The following DISC1 variants were observed in gnomAD, a reference collection of about 807,000 sequenced individuals.
The protein encoded by DISC1 is DISC1 scaffold protein.
DISC1 carries 57 observed loss-of-function variants against 84.5 expected under a neutral mutation model. That is an observed-to-expected ratio of 0.67 (90% CI 0.55 to 0.84). DISC1 has a LOEUF of 0.84. DISC1 is among the 40% of genes least tolerant of loss of function. The pLI is 0.00. For missense variants in DISC1, 1,000 were observed against 1,057.8 expected (o/e 0.95, Z 0.76); for synonymous variants, 411 against 415.2 (o/e 0.99, Z 0.12).
At chr1:231,724,597 T>C (rs2070358300) in intron 3 of DISC1, among the ~76,000 whole-genome samples, 1 of 152,206 alleles carries the variant, frequency 6.6e-6, no homozygotes, top group African/African-American at 2.4e-5. Context: ...TCTCTTTTCT[T>C]CTTCCTTCCT....
chr1:231,945,480 T>C (rs1656987105), intron 9 of DISC1, among the ~76,000 whole-genome samples: 1 of 152,190 alleles, frequency 6.6e-6, no homozygotes. Context: ...GAGGGAAATT[T>C]ATAGCACTAA....
At chr1:231,696,011 A>T (rs1388322707) in intron 2 of DISC1, among the ~76,000 whole-genome samples, 1 of 152,128 alleles carries the variant, frequency 6.6e-6, no homozygotes, top group Non-Finnish European at 1.5e-5. Context: ...TCATTGCCTA[A>T]ACCAGTGCCC....
At chr1:231,878,466 G>A (rs2086050857) in intron 9 of DISC1, among the ~76,000 whole-genome samples, 1 of 152,168 alleles carries the variant, frequency 6.6e-6, no homozygotes, top group African/African-American at 2.4e-5. Flanking sequence ...TTCAAGGGAT[G>A]GAGAAAAGAC....
intron 9 of DISC1, among the ~76,000 whole-genome samples, chr1:231,924,955 CTTT>C (rs370177238): frequency 2.2e-5 from 3 of 139,300 alleles, no homozygotes; most frequent in Non-Finnish European, 1.5e-5. Context: ...TGCGCCCGGC[CTTT>C]TTTTTTTTTT....
chr1:231,706,060 A>G (rs2067054666), intron 3 of DISC1, among the ~76,000 whole-genome samples: 1 of 152,218 alleles, frequency 6.6e-6, no homozygotes, highest in Admixed American at 6.5e-5. Context: ...AAATTTCCCC[A>G]CTAATGCCTT....
intron 4 of DISC1, among the ~76,000 whole-genome samples, chr1:231,754,856 T>G (rs1244307927): frequency 1.3e-5 from 2 of 152,182 alleles, no homozygotes; most frequent in Non-Finnish European, 2.9e-5. Context: ...CAATATTAAC[T>G]GTTGGCTTAC....
At chr1:231,671,128 TACCA>T (rs2062579899) in intron 1 of DISC1, among the ~76,000 whole-genome samples, 2 of 152,310 alleles carry the variant, frequency 1.3e-5, no homozygotes, top group Middle Eastern at 3.4e-3. Flanking sequence ...TCAGTGATTT[TACCA>T]GGACATCTTG....
intron 3 of DISC1, among the ~76,000 whole-genome samples, chr1:231,741,663 C>A (rs952212840): frequency 6.6e-6 from 1 of 152,082 alleles, no homozygotes; most frequent in Non-Finnish European, 1.5e-5. Context: ...GCAGGGTTGG[C>A]AGGACCGGAG....
At chr1:231,691,530 C>T (rs1024026875) in intron 1 of DISC1, among the ~76,000 whole-genome samples, 4 of 152,180 alleles carry the variant, frequency 2.6e-5, no homozygotes, top group Non-Finnish European at 5.9e-5. Flanking sequence ...AAATTATTTT[C>T]TACCTAGCCT....
intron 10 of DISC1, among the ~76,000 whole-genome samples, chr1:231,990,335 C>G (rs1665036253): frequency 6.6e-6 from 1 of 151,902 alleles, no homozygotes; most frequent in Non-Finnish European, 1.5e-5. Context: ...AGCAGAAGCA[C>G]AGGTGGCCTG....
rs571123530 is a variant in DISC1 at position 231,661,816 on chromosome 1, G to A, written c.68-32010G>A. On this transcript the variant is annotated intron_variant, in intron 1 of 12. Transcript: ENST00000439617. ...AGAGGTGTTACTGTCATTTGGAGGA[G>A]AAGAGCCACTCTGGCTTTTTGAGTT... 2.0e-5 allele frequency among the ~76,000 whole-genome samples: 3 copies of A among 152,320 alleles called. No individual in the cohort carries two copies. The South Asian group carries it at 6.2e-4, about 32-fold the overall frequency.
rs1399575503 is a variant in DISC1 at position 232,031,636 on chromosome 1, C to A, written c.2426-5056C>A. 6.6e-6 allele frequency among the ~76,000 whole-genome samples: 1 copy of A among 152,134 alleles called. No homozygotes were observed. Among genetic ancestry groups the A allele is most frequent in the African/African-American group, 2.4e-5 (1 of 41,440 alleles). On this transcript the variant is annotated intron_variant, in intron 12 of 12. Coordinates refer to ENST00000439617, the MANE Select transcript of DISC1 (RefSeq NM_018662.3). This position sits in a 1 kb window ranked among gnomAD's most constrained non-coding sequence, Gnocchi z 4.6. Reference sequence around the variant, plus strand: ...GTTCTTTCCTTAGGCTCTCACTTGGCTTTGGAGTGGGACGGGGAAGAGTTG... The same window carrying A: ...GTTCTTTCCTTAGGCTCTCACTTGGATTTGGAGTGGGACGGGGAAGAGTTG...
chr1:231,955,498 T>G (rs1342992493), intron 9 of DISC1, among the ~76,000 whole-genome samples: 3 of 151,922 alleles, frequency 2.0e-5, no homozygotes, highest in Non-Finnish European at 4.4e-5. Flanking sequence ...TTTTTTTTTT[T>G]TTTTTTGGAA....
intron 9 of DISC1, among the ~76,000 whole-genome samples, chr1:231,898,076 T>TACA: frequency 6.6e-6 from 1 of 152,164 alleles, no homozygotes; most frequent in South Asian, 2.1e-4. Context: ...AACAGCAAGA[T>TACA]GTAATCAAGT....
At chr1:231,853,731 C>T (rs1034036898) in intron 9 of DISC1, among the ~76,000 whole-genome samples, 5 of 152,182 alleles carry the variant, frequency 3.3e-5, no homozygotes, top group Non-Finnish European at 7.3e-5. Context: ...CCACACAGAG[C>T]AGTAGGCTCA....
At chr1:231,722,511 T>C (rs760453647) in intron 3 of DISC1, 6 of 1,614,042 alleles carry the variant, frequency 3.7e-6, no homozygotes, top group East Asian at 4.5e-5. Flanking sequence ...TCCATTCCAC[T>C]CAGAGGTATT....
At chr1:231,833,956 A>G (rs1322757049) in intron 9 of DISC1, among the ~76,000 whole-genome samples, 1 of 152,184 alleles carries the variant, frequency 6.6e-6, no homozygotes, top group Non-Finnish European at 1.5e-5. Context: ...TTTTGAGAAT[A>G]AGACGGCCTT....
At chr1:231,687,437 A>C (rs187634414) in intron 1 of DISC1, among the ~76,000 whole-genome samples, 5 of 152,094 alleles carry the variant, frequency 3.3e-5, no homozygotes, top group African/African-American at 4.8e-5. Context: ...ATCAGATCTC[A>C]TGAGACTTAC....
chr1:231,962,775 T>C (rs1358707224), intron 10 of DISC1, among the ~76,000 whole-genome samples: 1 of 152,078 alleles, frequency 6.6e-6, no homozygotes, highest in African/African-American at 2.4e-5. Flanking sequence ...ACTCATCCTC[T>C]CTCCCTCCAT....
Sources: allele counts gnomAD v4.1 joint callset (sites outside exome capture counted in the v4.1 genomes callset), GRCh38; gene constraint gnomAD v4.1.1; non-coding constraint Gnocchi (gnomAD v3.1); transcripts MANE v1.5; gene names NCBI Gene and HGNC (gene_info 2026-07-23, HGNC 2026-07-21).